Variants in DIP2C observed in about 807,000 individuals in gnomAD.
DIP2C encodes the protein DIP2 acetate--CoA ligase C (putative), also known as disco-interacting protein 2 homolog C.
A neutral mutation model predicts 192.4 loss-of-function variants in DIP2C; 33 were observed. The ratio of observed to expected loss-of-function variants is 0.17; its 90% CI spans 0.13 to 0.23. DIP2C has a LOEUF of 0.23. Among genes scored for constraint, DIP2C ranks in the 10% least tolerant of loss-of-function variants. The probability of loss-of-function intolerance (pLI) is 1.00; values close to 1 mark genes in which losing one functional copy is unlikely to be tolerated. For missense variants in DIP2C, 1,537 were observed against 2,110.1 expected (o/e 0.73, Z 5.32); for synonymous variants, 979 against 864.1 (o/e 1.13, Z -2.33).
intron 32 of DIP2C, among the ~76,000 whole-genome samples, chr10:299,919 C>T (rs1955938702): frequency 6.6e-6 from 1 of 152,122 alleles, no homozygotes. Context: ...AGATGTTCGA[C>T]AAGACCATCA....
At chr10:662,907 C>T (rs1856847578) in intron 1 of DIP2C, 2 of 717,568 alleles carry the variant, frequency 2.8e-6, no homozygotes, top group Middle Eastern at 2.3e-4. Context: ...GGCGTGAACA[C>T]TCTCGGGAGA....
chr10:288,833 C>A (rs976948145), intron 32 of DIP2C, among the ~76,000 whole-genome samples: 1 of 152,214 alleles, frequency 6.6e-6, no homozygotes. Flanking sequence ...AGGTGTGCAG[C>A]GGCCGAGAGC....
chr10:582,897 G>A (rs896270060), intron 1 of DIP2C, among the ~76,000 whole-genome samples: 3 of 152,150 alleles, frequency 2.0e-5, no homozygotes, highest in African/African-American at 2.4e-5. Flanking sequence ...AACAATAGAA[G>A]GAAGGTACCA....
chr10:541,545 C>CA (rs1847987383), intron 1 of DIP2C, among the ~76,000 whole-genome samples: 3 of 147,708 alleles, frequency 2.0e-5, no homozygotes, highest in Admixed American at 6.8e-5. Flanking sequence ...CTCGACCCCA[C>CA]AGTGTGACCC....
At chr10:463,918 G>C (rs574525575) in intron 3 of DIP2C, among the ~76,000 whole-genome samples, 25 of 152,238 alleles carry the variant, frequency 1.6e-4, no homozygotes, top group African/African-American at 6.0e-4. Context: ...TTAATAAATG[G>C]TGTTGGGGAA....
chr10:682,229 G>A (rs2119091993), intron 1 of DIP2C, among the ~76,000 whole-genome samples: 1 of 152,280 alleles, frequency 6.6e-6, no homozygotes, highest in Non-Finnish European at 1.5e-5. Context: ...GGCACACTGG[G>A]GCCTCTCCAG....
In DIP2C at chr10:345,120, G is replaced by C. The variant is rs1279509390; in HGVS notation, c.3232-10C>G. 4 of 1,607,736 alleles carry C rather than the reference G, an allele frequency of 2.5e-6. No individual in the cohort carries two copies. The African/African-American group carries it at 5.3e-5, about 21-fold the overall frequency. On this transcript the variant is annotated splice_polypyrimidine_tract_variant and intron_variant, in intron 26 of 36. Transcript: ENST00000280886. ...AGGCAGAGCGACTCACCTGGCATCAGAGAGCGAGAATGGAGCCATGAACGT... is the reference window on the plus strand; with the variant it reads ...AGGCAGAGCGACTCACCTGGCATCACAGAGCGAGAATGGAGCCATGAACGT...
chr10:565,354 T>TTAAAAAAAAAAAAAAAAAA (rs1554737793), intron 1 of DIP2C, among the ~76,000 whole-genome samples: 1 of 114,136 alleles, frequency 8.8e-6, no homozygotes, highest in African/African-American at 3.8e-5. Flanking sequence ...ACCTGCATTC[T>TTAAAAAAAAAAAAAAAAAA]AAAAAAAAAA....
At chr10:477,715 AGAG>A (rs1235188976) in intron 2 of DIP2C, among the ~76,000 whole-genome samples, 8 of 140,596 alleles carry the variant, frequency 5.7e-5, no homozygotes, top group Non-Finnish European at 1.1e-4. Context: ...AATAAAGGAG[AGAG>A]AAGAAAGAGA....
chr10:452,589 G>A (rs1968937203), intron 3 of DIP2C, among the ~76,000 whole-genome samples: 1 of 152,196 alleles, frequency 6.6e-6, no homozygotes, highest in Non-Finnish European at 1.5e-5. Flanking sequence ...CGATTAAATG[G>A]ACAGCGCTTT....
At chr10:375,821 G>A (rs952311995) in intron 17 of DIP2C, among the ~76,000 whole-genome samples, 8 of 152,148 alleles carry the variant, frequency 5.3e-5, no homozygotes, top group South Asian at 2.1e-4. Context: ...CAGCTTCAGT[G>A]CCGCTCATCA....
At chr10:642,931 C>T (rs1004388557) in intron 1 of DIP2C, among the ~76,000 whole-genome samples, 13 of 152,232 alleles carry the variant, frequency 8.5e-5, no homozygotes, top group Non-Finnish European at 1.5e-5. Context: ...GGGCCGGGCA[C>T]GGTGGCCCAC....
intron 4 of DIP2C, among the ~76,000 whole-genome samples, chr10:427,050 T>C (rs1442176189): frequency 6.6e-6 from 1 of 152,266 alleles, no homozygotes; most frequent in Non-Finnish European, 1.5e-5. Flanking sequence ...CTCTAGCTAA[T>C]GTAATAAATT....
At chr10:686,889 C>T (rs1373319960) in intron 1 of DIP2C, among the ~76,000 whole-genome samples, 1 of 152,400 alleles carries the variant, frequency 6.6e-6, no homozygotes, top group East Asian at 1.9e-4. Flanking sequence ...GCGTAACCCA[C>T]GCAGGCTGGC....
intron 1 of DIP2C, among the ~76,000 whole-genome samples, chr10:514,031 A>G (rs1216587293): frequency 1.3e-5 from 2 of 152,210 alleles, no homozygotes; most frequent in African/African-American, 4.8e-5. Flanking sequence ...TGAATTTCCA[A>G]TCAGAGAACA....
chr10:467,854 GTGATGGGT>G (rs1328422001), intron 3 of DIP2C, among the ~76,000 whole-genome samples: 2 of 152,148 alleles, frequency 1.3e-5, no homozygotes, highest in Non-Finnish European at 2.9e-5. Flanking sequence ...CCTAATGTAG[GTGATGGGT>G]TGATGGGTGC....
chr10:411,995 T>C (rs1965218709), intron 8 of DIP2C, among the ~76,000 whole-genome samples: 2 of 152,238 alleles, frequency 1.3e-5, no homozygotes, highest in African/African-American at 2.4e-5. Context: ...ATGATTAAAA[T>C]ACAACATATA....
chr10:451,937 G>A (rs1160753304), intron 3 of DIP2C, among the ~76,000 whole-genome samples: 3 of 152,102 alleles, frequency 2.0e-5, no homozygotes, highest in South Asian at 4.1e-4. Flanking sequence ...AAAAAACTGA[G>A]AAAACAGTAA....
At chr10:332,082 T>C (rs1957533186) in intron 29 of DIP2C, among the ~76,000 whole-genome samples, 1 of 152,058 alleles carries the variant, frequency 6.6e-6, no homozygotes. Context: ...TGACTGGGAC[T>C]AGAGACTAGA....
Sources: allele counts gnomAD v4.1 joint callset (sites outside exome capture counted in the v4.1 genomes callset), GRCh38; gene constraint gnomAD v4.1.1; transcripts MANE v1.5; gene names NCBI Gene and HGNC (gene_info 2026-07-23, HGNC 2026-07-21).